Variants in SPART observed in about 807,000 individuals in gnomAD.
SPART encodes the protein spastic paraplegia 20 (Troyer syndrome).
In SPART, 35 loss-of-function variants were observed where a neutral mutation model predicts 58.7. That is an observed-to-expected ratio of 0.60 (90% CI 0.46 to 0.79). The LOEUF is 0.79. SPART is among the 30% of genes least tolerant of loss of function. The pLI, the probability that SPART is intolerant of heterozygous loss-of-function variation, is 0.00. For missense variants in SPART, 730 were observed against 786.1 expected (o/e 0.93, Z 0.85); for synonymous variants, 284 against 280.7 (o/e 1.01, Z -0.12).
chr13:36,321,481 A>T (rs1383030364), intron 5 of SPART, among the ~76,000 whole-genome samples: 1 of 151,910 alleles, frequency 6.6e-6, no homozygotes, highest in African/African-American at 2.4e-5. Context: ...TTCATCCAAA[A>T]CCGTATCTAG....
In SPART at chr13:36,331,604, G is replaced by C. The variant is rs778157394; in HGVS notation, c.811-8C>G. On this transcript the variant is annotated splice_polypyrimidine_tract_variant and splice_region_variant and intron_variant, in intron 2 of 8. Transcript: ENST00000438666. Reference sequence around the variant, plus strand: ...ATATAACCAGTCACAAACCTGAAAGGATTCATTAGAAGAAAAAAAATATAC... The same window carrying C: ...ATATAACCAGTCACAAACCTGAAAGCATTCATTAGAAGAAAAAAAATATAC... The C allele has an allele frequency of 1.1e-5, 18 of 1,603,614 alleles. No individual in the cohort carries two copies. In the African/African-American group the frequency reaches 1.7e-4, roughly 16 times the overall value.
chr13:36,304,752 T>A lies in SPART; in HGVS notation c.1734-120A>T, dbSNP rs551118107. ...TACCCCTGAAAGCAAAATTAAAGCT[T>A]AGGTTTCAATTTAATTAATAACTTA... On this transcript the variant is annotated intron_variant, in intron 8 of 8. Coordinates refer to ENST00000438666, the MANE Select transcript of SPART (RefSeq NM_015087.5). 9.7e-6 allele frequency: 10 copies of A among 1,030,778 alleles called. No homozygotes were observed. In the African/African-American group the frequency reaches 1.6e-4, roughly 17 times the overall value. 63.9% of individuals were successfully genotyped at this position (1,030,778 alleles called of 1,614,324 possible). A position where few individuals can be genotyped will look rare whatever the true frequency, so the allele number is the denominator to read the frequency against.
chr13:36,329,547 A>C (rs1883269166), intron 3 of SPART, 30 bp from the exon 4 acceptor site: 1 of 1,612,644 alleles, frequency 6.2e-7, no homozygotes, highest in Non-Finnish European at 8.5e-7. Context: ...GCTTAACTCT[A>C]ATCAGAATTT....
At position 36,361,562 on chromosome 13, in the gene SPART, G is replaced by A. The variant is rs113201653; in HGVS notation, c.-3+8527C>T. On this transcript the variant is annotated intron_variant, in intron 1 of 8. Transcript: ENST00000355182. ...TGGGATTACAGGTGCCCACCACCAC[G>A]CCCAGCTAATTTTGTATTTTTAGTA... Among the ~76,000 whole-genome samples, 1,398 of 152,048 alleles carry A rather than the reference G, an allele frequency of 9.2e-3. 28 individuals are homozygous for A. Among genetic ancestry groups the A allele is most frequent in the African/African-American group, 0.032 (1,330 of 41,476 alleles).
Position 36,335,723 on chromosome 13 carries a change from T to TG in SPART, c.107_108insC (p.Leu36PhefsTer12). The TG allele has an allele frequency of 1.2e-6, 2 of 1,614,142 alleles. No individual in the cohort carries two copies. ...AGTTCTTTGCTTCTTCCTTCTGACC[T>TG]AATTCATCTGTATTCAGACCTTTGT... On this transcript the variant is annotated frameshift_variant, in exon 2 of 9. Transcript: ENST00000438666. LOFTEE classifies it high-confidence loss of function.
In SPART at chr13:36,304,638, A is replaced by T. The variant is rs750711100; in HGVS notation, c.1734-6T>A. ...CTCCTGCATTATATCCGTATCTTTA[A>T]AAGAAAGATTAGAGGACATACAATG... On this transcript the variant is annotated splice_region_variant and splice_polypyrimidine_tract_variant and intron_variant, in intron 8 of 8. Coordinates refer to ENST00000438666, the MANE Select transcript of SPART (RefSeq NM_015087.5). 6 of 1,613,550 alleles carry T rather than the reference A, an allele frequency of 3.7e-6. No homozygotes were observed. The highest frequency in any genetic ancestry group is 5.1e-6 in the Non-Finnish European group (6 of 1,179,656).
At chr13:36,333,737 A>G (rs1883689440) in intron 2 of SPART, among the ~76,000 whole-genome samples, 1 of 152,168 alleles carries the variant, frequency 6.6e-6, no homozygotes, top group African/African-American at 2.4e-5. Flanking sequence ...TAAGGACCCA[A>G]AGATTTTTTA....
chr13:36,357,010 T>C (rs991638256), intron 1 of SPART, among the ~76,000 whole-genome samples: 1 of 152,228 alleles, frequency 6.6e-6, no homozygotes, highest in Non-Finnish European at 1.5e-5. Context: ...GTGAATGTCT[T>C]AATGTAGAAA....
intron 6 of SPART, 196 bp downstream of exon 6, chr13:36,314,031 T>C: frequency 3.3e-6 from 2 of 603,762 alleles, no homozygotes; most frequent in East Asian, 2.8e-5. Context: ...AAATTCTGCA[T>C]TTCTAAGGAT....
intron 1 of SPART, among the ~76,000 whole-genome samples, chr13:36,366,585 T>C (rs924165876): frequency 6.6e-6 from 1 of 152,216 alleles, no homozygotes; most frequent in Non-Finnish European, 1.5e-5. Flanking sequence ...AGTTGAAATT[T>C]CGAGTGCATC....
At chr13:36,342,810 T>C (rs962326158) in intron 1 of SPART, among the ~76,000 whole-genome samples, 1 of 152,094 alleles carries the variant, frequency 6.6e-6, no homozygotes, top group Non-Finnish European at 1.5e-5. Context: ...GGCTTCCAGA[T>C]CCTTTACTCC....
rs900043133 is a variant in SPART, at chr13:36,302,370, A to T, written c.*1995T>A. 1 of 152,204 alleles carries T rather than the reference A, an allele frequency of 6.6e-6. No homozygotes were observed. The highest frequency in any genetic ancestry group is 2.4e-5 in the African/African-American group (1 of 41,442). 9.4% of individuals were successfully genotyped at this position (152,204 alleles called of 1,614,324 possible). On this transcript the variant is annotated 3_prime_UTR_variant, in exon 9 of 9. Coordinates refer to ENST00000438666, the MANE Select transcript of SPART (RefSeq NM_015087.5). ...ACACTTTTTCTGCAAAGGGCCAGAG[A>T]GTGAATAAGTTAGGCTTGTGGACCA...
chr13:36,367,619 C>T (rs1476711072), intron 1 of SPART, among the ~76,000 whole-genome samples: 6 of 150,214 alleles, frequency 4.0e-5, no homozygotes, highest in Admixed American at 4.0e-4. Context: ...AAAAAAAAAA[C>T]TTAAAATAAT....
chr13:36,341,789 T>C (rs1884613274), intron 1 of SPART, among the ~76,000 whole-genome samples: 1 of 152,166 alleles, frequency 6.6e-6, no homozygotes, highest in African/African-American at 2.4e-5. Flanking sequence ...ACAGAATATA[T>C]TCAGTACCCA....
At chr13:36,319,325 A>C (rs1189666274) in intron 5 of SPART, among the ~76,000 whole-genome samples, 23 of 134,256 alleles carry the variant, frequency 1.7e-4, no homozygotes, top group South Asian at 4.9e-4. Context: ...GTATCCCCCC[A>C]CCTTAACCCA....
chr13:36,329,583 TATTACACCATGCTCAA>T, intron 3 of SPART, 66 bp from the exon 4 acceptor site: 1 of 1,466,812 alleles, frequency 6.8e-7, no homozygotes, highest in African/African-American at 1.4e-5. Context: ...CTGCCAGCTA[TATTACACCATGCTCAA>T]ATGACATACT....
intron 8 of SPART, among the ~76,000 whole-genome samples, chr13:36,305,991 G>A (rs542049341): frequency 1.3e-5 from 2 of 152,104 alleles, no homozygotes; most frequent in Admixed American, 6.5e-5. Context: ...TGATCCCACC[G>A]GCTTGTTTGT....
rs200903774 is a variant in SPART, at chr13:36,335,638, C to T, written c.193G>A (p.Glu65Lys). 6.2e-7 allele frequency: 1 copy of T among 1,614,064 alleles called. No homozygotes were observed. Among genetic ancestry groups the T allele is most frequent in the African/African-American group, 1.3e-5 (1 of 75,046 alleles). Residue 65 changes from glutamate (E) to lysine (K), a missense_variant, in exon 2 of 9, where the codon GAA becomes AAA. By Grantham distance (56) the Glu-to-Lys change is moderately conservative. Transcript: ENST00000438666. ...GATTCCCACCCAGGACCTGTGTGTT[C>T]AGACTCTTTTGATGAAATGCTGATC... ...RGISISSKES[E>K]HTGPGWESAR...
chr13:36,342,605 A>G (rs1884685859), intron 1 of SPART, among the ~76,000 whole-genome samples: 1 of 152,182 alleles, frequency 6.6e-6, no homozygotes, highest in South Asian at 2.1e-4. Flanking sequence ...TGCCCATAGC[A>G]GCACCACCCC....
Sources: gnomAD v4.1 joint callset for allele counts (sites outside exome capture counted in the v4.1 genomes callset) on GRCh38, gnomAD v4.1.1 for gene constraint, MANE v1.5 for transcripts, NCBI Gene and HGNC (gene_info 2026-07-23, HGNC 2026-07-21) for gene names.